LOXL2: variants seen among roughly 807,000 people sequenced by gnomAD.
LOXL2 encodes lysyl oxidase like 2, also known as lysyl oxidase homolog 2.
Under a neutral mutation model 93.0 loss-of-function variants are expected in LOXL2, and 70 were observed. That is an observed-to-expected ratio of 0.75 (90% CI 0.62 to 0.92). The LOEUF (loss-of-function observed/expected upper bound fraction) is 0.92, where lower values mean the gene tolerates loss of function less well. Among genes scored for constraint, LOXL2 ranks in the 40% least tolerant of loss-of-function variants. LOXL2 has a pLI of 0.00. For missense variants in LOXL2, 973 were observed against 1,054.9 expected (o/e 0.92, Z 1.08); for synonymous variants, 438 against 413.2 (o/e 1.06, Z -0.73).
intron 1 of LOXL2, among the ~76,000 whole-genome samples, chr8:23,380,527 T>A (rs1432097516): frequency 1.3e-5 from 2 of 152,184 alleles, no homozygotes. Context: ...AGAACAGCGC[T>A]CCTGAATTTT....
intron 3 of LOXL2, among the ~76,000 whole-genome samples, chr8:23,353,232 G>A (rs1000817428): frequency 2.6e-5 from 4 of 152,100 alleles, no homozygotes; most frequent in Non-Finnish European, 5.9e-5. Flanking sequence ...TGGTCTACCC[G>A]CCACAGGCAG....
Position 23,367,210 on chromosome 8 carries a change from G to A in LOXL2, c.355+787C>T, listed in dbSNP as rs184054080. On this transcript the variant is annotated intron_variant, in intron 2 of 13. Coordinates refer to ENST00000389131, the MANE Select transcript of LOXL2 (RefSeq NM_002318.3). ...ACTACAGACACTCGCCACCATGCCC[G>A]GCTAATTTTTGTATTTTTAGTAGAG... Among the ~76,000 whole-genome samples the A allele has an allele frequency of 1.0e-3, 152 of 151,998 alleles. 1 individual carries two copies. In the East Asian group the frequency reaches 0.023, roughly 23 times the overall value.
chr8:23,378,399 A>T (rs1804625068), intron 1 of LOXL2, among the ~76,000 whole-genome samples: 1 of 152,086 alleles, frequency 6.6e-6, no homozygotes, highest in Non-Finnish European at 1.5e-5. Flanking sequence ...AACTTTGGTG[A>T]ATCTGACAAT....
chr8:23,315,126 C>T (rs1329804377), intron 9 of LOXL2, among the ~76,000 whole-genome samples: 2 of 152,094 alleles, frequency 1.3e-5, no homozygotes, highest in Non-Finnish European at 2.9e-5. Flanking sequence ...GTAGGGATCT[C>T]CTTTGCAGTG....
chr8:23,368,189 TGGCCACGTTGGCGGGGGCCTG>T lies in LOXL2; in HGVS notation c.142_162del (p.Gln48_Ala54del). Reference sequence around the variant, plus strand: ...TGCCCAGCCAGGCGCAGCTGAATCTTGGCCACGTTGGCGGGGGCCTGGGGCTGGTGATACTCAGGAGCCGGT... The same window carrying T: ...TGCCCAGCCAGGCGCAGCTGAATCTTGGGCTGGTGATACTCAGGAGCCGGT... On this transcript the variant is annotated inframe_deletion, in exon 2 of 14. Coordinates refer to ENST00000389131, the MANE Select transcript of LOXL2 (RefSeq NM_002318.3). 1.9e-6 allele frequency: 3 copies of T among 1,614,074 alleles called. No homozygotes were observed. The highest frequency in any genetic ancestry group is 2.5e-6 in the Non-Finnish European group (3 of 1,180,038).
intron 2 of LOXL2, among the ~76,000 whole-genome samples, chr8:23,366,721 G>C (rs1301784335): frequency 6.6e-6 from 1 of 152,232 alleles, no homozygotes; most frequent in Non-Finnish European, 1.5e-5. Context: ...GACTTGTGCT[G>C]AGGTCTGGGC....
In LOXL2 at chr8:23,367,782, G is replaced by A. The variant is rs999592012; in HGVS notation, c.355+215C>T. 4.6e-5 allele frequency among the ~76,000 whole-genome samples: 7 copies of A among 152,222 alleles called. No homozygotes were observed. In the East Asian group the frequency reaches 1.4e-3, roughly 29 times the overall value. On this transcript the variant is annotated intron_variant, in intron 2 of 13. Coordinates refer to ENST00000389131, the MANE Select transcript of LOXL2 (RefSeq NM_002318.3). ...AAGTCTTGGGCAAATCAGTATGGTT[G>A]GTCACTTACTGTGCCCCTCCTCAAG...
At chr8:23,322,781 C>T (rs1177570593) in intron 6 of LOXL2, among the ~76,000 whole-genome samples, 1 of 152,180 alleles carries the variant, frequency 6.6e-6, no homozygotes, top group Non-Finnish European at 1.5e-5. Flanking sequence ...AGAGCACAGT[C>T]CAGTACTCAG....
chr8:23,328,551 T>G lies in LOXL2; in HGVS notation c.981A>C (p.Arg327=), dbSNP rs1351858495. 6.2e-7 allele frequency: 1 copy of G among 1,613,986 alleles called. No individual in the cohort carries two copies. The highest frequency in any genetic ancestry group is 1.1e-5 in the South Asian group (1 of 91,084). The change falls in exon 6 of 14, where the codon CGA becomes CGC. Residue 327 remains arginine (R), a synonymous_variant. Coordinates refer to ENST00000389131, the MANE Select transcript of LOXL2 (RefSeq NM_002318.3). ...CCCCGATGTAGGCACCGCCTCTCAG[T>G]CGCACCAGGGGTTGCTGAAGAGACA... ...KAYKPEQPLV[R]LRGGAYIGEG...
chr8:23,305,686 T>C (rs1171576109), intron 10 of LOXL2, among the ~76,000 whole-genome samples: 1 of 152,046 alleles, frequency 6.6e-6, no homozygotes, highest in Non-Finnish European at 1.5e-5. Flanking sequence ...TAGGGAAGCA[T>C]GGACTTGGAA....
In LOXL2 at chr8:23,398,931, G is replaced by A. The variant is rs1350902755; in HGVS notation, c.-84+5023C>T. On this transcript the variant is annotated intron_variant, in intron 1 of 13. Coordinates refer to ENST00000389131, the MANE Select transcript of LOXL2 (RefSeq NM_002318.3). ...AAGGGCTGCCAATACGCTTGGCCAA[G>A]AGGTGCTCCCTGCTGAGCAAGCACT... Among the ~76,000 whole-genome samples the A allele has an allele frequency of 4.6e-5, 7 of 152,296 alleles. No homozygotes were observed. The East Asian group carries it at 1.2e-3, about 25-fold the overall frequency.
intron 7 of LOXL2, 29 bp downstream of exon 7, chr8:23,322,101 A>G (rs1277405869): frequency 6.2e-7 from 1 of 1,610,630 alleles, no homozygotes; most frequent in South Asian, 1.1e-5. Context: ...CCTCAGTTAC[A>G]GTCCCCTCTA....
chr8:23,321,676 T>G (rs535856593), intron 7 of LOXL2: 4 of 163,516 alleles, frequency 2.4e-5, no homozygotes, highest in Non-Finnish European at 5.4e-5. Context: ...TCCTGTTCCT[T>G]TGGTTCTCAG....
At chr8:23,351,300 C>T (rs939251274) in intron 3 of LOXL2, among the ~76,000 whole-genome samples, 5 of 152,190 alleles carry the variant, frequency 3.3e-5, no homozygotes, top group African/African-American at 1.2e-4. Context: ...GACCGCTGCC[C>T]ACTCTGCCCT....
At position 23,333,686 on chromosome 8, in the gene LOXL2, C is replaced by T; in HGVS notation, c.744-63G>A. On this transcript the variant is annotated intron_variant, in intron 4 of 13. Coordinates refer to ENST00000389131, the MANE Select transcript of LOXL2 (RefSeq NM_002318.3). ...ATGACGCCTACCCCGATTCCTTCTG[C>T]AACGAGGCAGAACATGAGAGACTGG... 4 of 1,344,544 alleles carry T rather than the reference C, an allele frequency of 3.0e-6. No homozygotes were observed. In the South Asian group the frequency reaches 3.8e-5, roughly 13 times the overall value. 83.3% of individuals were successfully genotyped at this position (1,344,544 alleles called of 1,614,324 possible). A position where few individuals can be genotyped will look rare whatever the true frequency, so the allele number is the denominator to read the frequency against.
chr8:23,340,652 C>T (rs901296196), intron 4 of LOXL2, among the ~76,000 whole-genome samples: 6 of 152,184 alleles, frequency 3.9e-5, no homozygotes, highest in Admixed American at 6.5e-5. Context: ...TAGCCTAGCT[C>T]GTGCAGTCCC....
chr8:23,321,270 T>C (rs1042385075), intron 7 of LOXL2, among the ~76,000 whole-genome samples: 4 of 152,102 alleles, frequency 2.6e-5, no homozygotes, highest in African/African-American at 9.7e-5. Flanking sequence ...CTGCCAAGGC[T>C]CCAAGGCGTT....
chr8:23,333,754 G>C, intron 4 of LOXL2, 131 bp from the exon 5 acceptor site: 1 of 700,502 alleles, frequency 1.4e-6, no homozygotes, highest in Non-Finnish European at 2.4e-6. Flanking sequence ...GAGGGTCCCA[G>C]CTCAGTCCAT....
intron 3 of LOXL2, among the ~76,000 whole-genome samples, chr8:23,358,706 A>G (rs1804237895): frequency 6.6e-6 from 1 of 152,276 alleles, no homozygotes; most frequent in Non-Finnish European, 1.5e-5. Context: ...AAATTTAGCC[A>G]TAAATGTGGA....
Sources: allele counts gnomAD v4.1 joint callset (sites outside exome capture counted in the v4.1 genomes callset), GRCh38; gene constraint gnomAD v4.1.1; transcripts MANE v1.5; gene names NCBI Gene and HGNC (gene_info 2026-07-23, HGNC 2026-07-21).